ERG: variants seen among roughly 807,000 people sequenced by gnomAD.
ERG encodes ETS transcription factor ERG, also known as transcriptional regulator ERG.
A neutral mutation model predicts 55.3 loss-of-function variants in ERG; 9 were observed. The observed-to-expected ratio is 0.16, with a 90% CI of 0.10 to 0.28. The LOEUF (loss-of-function observed/expected upper bound fraction) is 0.28, where lower values mean the gene tolerates loss of function less well. Ranked by LOEUF, ERG falls within the 10% of genes least tolerant of loss-of-function variation. ERG has a pLI of 1.00. For synonymous variants in ERG, 223 were observed against 237.3 expected, an observed-to-expected ratio of 0.94 and a Z score of 0.55; for missense variants, 434 against 631.6, an observed-to-expected ratio of 0.69 and a Z score of 3.35.
At chr21:38,389,941 T>G (rs1349666620) in intron 9 of ERG, among the ~76,000 whole-genome samples, 1 of 152,244 alleles carries the variant, frequency 6.6e-6, no homozygotes, top group Non-Finnish European at 1.5e-5. Flanking sequence ...GTTTTCAATG[T>G]GTAGATTCTC....
intron 2 of ERG, among the ~76,000 whole-genome samples, chr21:38,527,837 T>C (rs2059641047): frequency 8.4e-6 from 1 of 118,546 alleles, no homozygotes; most frequent in Non-Finnish European, 1.7e-5. Flanking sequence ...AAAACAGCAA[T>C]GATTTAGGCA....
intron 2 of ERG, among the ~76,000 whole-genome samples, chr21:38,528,175 A>G (rs530629863): frequency 2.5e-4 from 38 of 152,228 alleles, no homozygotes; most frequent in African/African-American, 9.1e-4. Context: ...TCTGTCTCCA[A>G]ATTTCCTCTT....
At chr21:38,429,499 A>G (rs201235610) in intron 2 of ERG, among the ~76,000 whole-genome samples, 8,663 of 99,452 alleles carry the variant, frequency 0.087, 2,839 homozygotes, top group South Asian at 0.21. Flanking sequence ...ACATGTACAT[A>G]TATACATATG....
intron 1 of ERG, among the ~76,000 whole-genome samples, chr21:38,581,791 C>T (rs987880376): frequency 6.6e-6 from 1 of 152,130 alleles, no homozygotes; most frequent in Non-Finnish European, 1.5e-5. Context: ...CGCCTGTAAT[C>T]CCAGCACCTT....
At chr21:38,541,637 C>T (rs2059753187) in intron 2 of ERG, among the ~76,000 whole-genome samples, 2 of 152,060 alleles carry the variant, frequency 1.3e-5, no homozygotes, top group Non-Finnish European at 2.9e-5. Context: ...GCTAAAATAC[C>T]TCAAATTTAT....
Position 38,406,508 on chromosome 21 carries a change from G to A in ERG, c.389-2799C>T, listed in dbSNP as rs145925276. On this transcript the variant is annotated intron_variant, in intron 3 of 9. Transcript: ENST00000288319. ...TTAGGGCAAGTTCTCTTTACCTTTG[G>A]TTCTGTGCAGAGGATAGTTTGTTCA... 1.5e-3 allele frequency among the ~76,000 whole-genome samples: 222 copies of A among 152,148 alleles called. 1 individual carries two copies. The highest frequency in any genetic ancestry group is 5.1e-3 in the African/African-American group (211 of 41,526).
chr21:38,488,862 TA>T (rs1418687262), intron 1 of ERG, among the ~76,000 whole-genome samples: 1 of 152,258 alleles, frequency 6.6e-6, no homozygotes, highest in Non-Finnish European at 1.5e-5. Flanking sequence ...CACGTCCCCT[TA>T]AAAATCACCG....
chr21:38,461,217 T>C (rs2059039580), intron 1 of ERG, among the ~76,000 whole-genome samples: 1 of 152,166 alleles, frequency 6.6e-6, no homozygotes. Flanking sequence ...GACTCCCTCC[T>C]TAGCTTGTGG....
At chr21:38,652,643 C>T (rs1010782780) in intron 1 of ERG, among the ~76,000 whole-genome samples, 1 of 152,176 alleles carries the variant, frequency 6.6e-6, no homozygotes, top group African/African-American at 2.4e-5. Flanking sequence ...ACAATGACTC[C>T]TGATGCTAAG....
At chr21:38,637,176 T>C (rs2060394568) in intron 1 of ERG, among the ~76,000 whole-genome samples, 1 of 152,170 alleles carries the variant, frequency 6.6e-6, no homozygotes, top group Non-Finnish European at 1.5e-5. Flanking sequence ...ACCATTGCTT[T>C]CCCAGACTTC....
At position 38,460,885 on chromosome 21, in the gene ERG, G is replaced by A. The variant is rs566962172; in HGVS notation, c.19-15264C>T. On this transcript the variant is annotated intron_variant, in intron 1 of 9. Coordinates refer to ENST00000288319, the MANE Select transcript of ERG (RefSeq NM_182918.4). The surrounding 1 kb of genome is among the most constrained non-coding windows in gnomAD (Gnocchi z 5.0). ...CTTCCTTTCTGCTTAGGAAGGAGAC[G>A]TTTGGAAAAACTGTTCACTGCTGTG... Among the ~76,000 whole-genome samples, 2 of 152,298 alleles carry A rather than the reference G, an allele frequency of 1.3e-5. No individual in the cohort carries two copies. The highest frequency in any genetic ancestry group is 2.1e-4 in the South Asian group (1 of 4,822).
chr21:38,488,385 C>T (rs114072301), intron 1 of ERG, among the ~76,000 whole-genome samples: 175 of 152,058 alleles, frequency 1.2e-3, no homozygotes, highest in African/African-American at 4.0e-3. Flanking sequence ...CTCCCAGGTG[C>T]TATTTATTTT....
intron 1 of ERG, among the ~76,000 whole-genome samples, chr21:38,600,189 G>A (rs370066679): frequency 6.7e-4 from 98 of 146,704 alleles, no homozygotes; most frequent in African/African-American, 2.2e-3. Flanking sequence ...ACCCAACCCC[G>A]CCCCGGCTTT....
At chr21:38,543,935 C>T (rs1568899368) in intron 2 of ERG, among the ~76,000 whole-genome samples, 1 of 151,990 alleles carries the variant, frequency 6.6e-6, no homozygotes, top group Non-Finnish European at 1.5e-5. Flanking sequence ...CAGGATTTCA[C>T]CATGTTGGCC....
chr21:38,499,730 G>GA (rs1471899942), upstream of ERG, among the ~76,000 whole-genome samples: 8 of 151,614 alleles, frequency 5.3e-5, no homozygotes, highest in East Asian at 1.6e-3. Context: ...GATAAGGGGG[G>GA]AAAGGGAGAG....
chr21:38,380,543 G>A lies in ERG; in HGVS notation c.*2860C>T. 9.4e-7 allele frequency: 1 copy of A among 1,065,748 alleles called. No homozygotes were observed. Among genetic ancestry groups the A allele is most frequent in the Non-Finnish European group, 1.1e-6 (1 of 879,546 alleles). The allele number at this position is 1,065,748 out of a possible 1,614,324, so 66.0% of individuals were successfully genotyped here. A position where few individuals can be genotyped will look rare whatever the true frequency, so the allele number is the denominator to read the frequency against. On this transcript the variant is annotated 3_prime_UTR_variant, in exon 10 of 10. Coordinates refer to ENST00000288319, the MANE Select transcript of ERG (RefSeq NM_182918.4). Reference sequence around the variant, plus strand: ...TACAGGAGTCTGAGTATACATCAGGGCAAGCCAAGAGACAGGGACAAACAG... The same window carrying A: ...TACAGGAGTCTGAGTATACATCAGGACAAGCCAAGAGACAGGGACAAACAG...
chr21:38,539,185 G>C (rs1391784272), intron 2 of ERG, among the ~76,000 whole-genome samples: 1 of 152,164 alleles, frequency 6.6e-6, no homozygotes, highest in African/African-American at 2.4e-5. Context: ...CCTGACACCA[G>C]AGAGGACGCA....
At chr21:38,568,007 G>T (rs1026703008) in intron 2 of ERG, among the ~76,000 whole-genome samples, 1 of 152,192 alleles carries the variant, frequency 6.6e-6, no homozygotes, top group Non-Finnish European at 1.5e-5. Context: ...GTTACTTCCA[G>T]AGCGGCAGCC....
At chr21:38,405,025 T>C (rs967674959) in intron 3 of ERG, among the ~76,000 whole-genome samples, 3 of 152,076 alleles carry the variant, frequency 2.0e-5, no homozygotes, top group African/African-American at 7.2e-5. Flanking sequence ...CTCCCTTTCT[T>C]CCCTTCAGCT....
Sources: allele counts gnomAD v4.1 joint callset (sites outside exome capture counted in the v4.1 genomes callset), GRCh38; gene constraint gnomAD v4.1.1; non-coding constraint Gnocchi (gnomAD v3.1); transcripts MANE v1.5; gene names NCBI Gene and HGNC (gene_info 2026-07-23, HGNC 2026-07-21).